CNTLN: variants seen among roughly 807,000 people sequenced by gnomAD.
The protein encoded by CNTLN is centlein.
Under a neutral mutation model 180.0 loss-of-function variants are expected in CNTLN, and 212 were observed. That is an observed-to-expected ratio of 1.18 (90% CI 1.05 to 1.32). The LOEUF (loss-of-function observed/expected upper bound fraction) is 1.32. Among genes scored for constraint, CNTLN ranks in the 40% most tolerant of loss-of-function variants. CNTLN has a pLI of 0.00. For missense variants in CNTLN, 2,095 were observed against 1,610.9 expected (o/e 1.30, Z -5.14); for synonymous variants, 722 against 563.1 (o/e 1.28, Z -3.99).
chr9:17,414,954 G>GTGGT (rs1213617151), intron 16 of CNTLN, among the ~76,000 whole-genome samples: 3 of 152,006 alleles, frequency 2.0e-5, no homozygotes, highest in Non-Finnish European at 4.4e-5. Context: ...GCTGGGGGTG[G>GTGGT]TGGTCCCTGT....
chr9:17,434,247 G>T (rs919141650), intron 18 of CNTLN, among the ~76,000 whole-genome samples: 1 of 151,644 alleles, frequency 6.6e-6, no homozygotes, highest in Admixed American at 6.6e-5. Context: ...ATTTATTTCT[G>T]CTCTTATCTT....
At chr9:17,314,532 C>T (rs1345978626) in intron 8 of CNTLN, among the ~76,000 whole-genome samples, 1 of 152,144 alleles carries the variant, frequency 6.6e-6, no homozygotes, top group Non-Finnish European at 1.5e-5. Flanking sequence ...ATGAACAGTT[C>T]ATTTATGAGT....
At chr9:17,324,060 G>C (rs1158074244) in intron 8 of CNTLN, among the ~76,000 whole-genome samples, 1 of 152,162 alleles carries the variant, frequency 6.6e-6, no homozygotes, top group Non-Finnish European at 1.5e-5. Context: ...ATTCGAGTAT[G>C]ATTGAGGTTT....
chr9:17,403,966 G>C (rs1196849372), intron 15 of CNTLN, among the ~76,000 whole-genome samples: 1 of 151,558 alleles, frequency 6.6e-6, no homozygotes, highest in Non-Finnish European at 1.5e-5. Flanking sequence ...AATAGAGATG[G>C]GGTTTCACTA....
intron 7 of CNTLN, chr9:17,300,132 T>C (rs1049081155): frequency 6.6e-6 from 1 of 152,214 alleles, no homozygotes; most frequent in African/African-American, 2.4e-5. Context: ...TTCACATTTT[T>C]AGCTTTTGAG....
chr9:17,359,725 C>CAA (rs1176814681), intron 12 of CNTLN, among the ~76,000 whole-genome samples: 1,784 of 21,282 alleles, frequency 0.084, 134 homozygotes, highest in South Asian at 0.16. Flanking sequence ...ACTAAAAATA[C>CAA]AAAAAAAAAA....
intron 5 of CNTLN, among the ~76,000 whole-genome samples, chr9:17,237,291 T>A (rs1825205476): frequency 6.6e-6 from 1 of 151,066 alleles, no homozygotes; most frequent in Non-Finnish European, 1.5e-5. Flanking sequence ...TAGATTTTGT[T>A]GAAAAGGGCA....
intron 18 of CNTLN, among the ~76,000 whole-genome samples, chr9:17,451,871 G>T (rs1830799678): frequency 6.6e-6 from 1 of 152,090 alleles, no homozygotes; most frequent in African/African-American, 2.4e-5. Context: ...AAAACAAATG[G>T]GAAAGACTGA....
At chr9:17,399,957 C>T (rs942503389) in intron 15 of CNTLN, among the ~76,000 whole-genome samples, 1 of 152,190 alleles carries the variant, frequency 6.6e-6, no homozygotes, top group African/African-American at 2.4e-5. Context: ...TCAAACCTCG[C>T]ATGTAACCGT....
chr9:17,150,660 A>G (rs554857635), intron 2 of CNTLN, among the ~76,000 whole-genome samples: 1 of 152,246 alleles, frequency 6.6e-6, no homozygotes, highest in South Asian at 2.1e-4. Flanking sequence ...TATGAACTTT[A>G]AAGTAGTTTT....
chr9:17,194,446 A>G (rs1467138194), intron 2 of CNTLN, among the ~76,000 whole-genome samples: 2 of 152,170 alleles, frequency 1.3e-5, no homozygotes, highest in African/African-American at 4.8e-5. Flanking sequence ...AAGTTCTACA[A>G]ATCTCTAGGG....
At chr9:17,167,573 A>T (rs951856391) in intron 2 of CNTLN, 1 of 152,234 alleles carries the variant, frequency 6.6e-6, no homozygotes, top group African/African-American at 2.4e-5. Flanking sequence ...GGGCACTAGA[A>T]TGCAAGCAAG....
In CNTLN at chr9:17,436,770, A is replaced by G. The variant is rs1289257581; in HGVS notation, c.3114+20581A>G. 2.0e-5 allele frequency among the ~76,000 whole-genome samples: 3 copies of G among 152,236 alleles called. No individual in the cohort carries two copies. The East Asian group carries it at 5.8e-4, about 29-fold the overall frequency. ...CCAGAGCCATTGTTTTTTTCCTGTC[A>G]GGAATTGCAGAATTTTAAATAGCCT... On this transcript the variant is annotated intron_variant, in intron 18 of 25. Transcript: ENST00000380647.
At chr9:17,296,805 T>G (rs1439434327) in intron 6 of CNTLN, among the ~76,000 whole-genome samples, 1 of 152,214 alleles carries the variant, frequency 6.6e-6, no homozygotes, top group East Asian at 1.9e-4. Flanking sequence ...TCCATGTATC[T>G]GTATGGATGC....
intron 25 of CNTLN, among the ~76,000 whole-genome samples, chr9:17,501,411 G>T (rs902803630): frequency 9.9e-5 from 15 of 152,162 alleles, no homozygotes; most frequent in African/African-American, 3.6e-4. Flanking sequence ...ATTTGTTTTT[G>T]CCTGCCTGCT....
intron 18 of CNTLN, among the ~76,000 whole-genome samples, chr9:17,425,839 T>G (rs1019360417): frequency 6.6e-6 from 1 of 152,190 alleles, no homozygotes; most frequent in East Asian, 1.9e-4. Flanking sequence ...AAGCAAGCAT[T>G]ACAGGAATGG....
the CNTLN span, among the ~76,000 whole-genome samples, chr9:17,513,683 A>G: frequency 6.6e-6 from 1 of 152,166 alleles, no homozygotes; most frequent in Non-Finnish European, 1.5e-5. Flanking sequence ...CAGCCTGGGC[A>G]ACAGAATGCG....
rs528418675 is a variant in CNTLN, at chr9:17,192,342, G to A, written c.450-33861G>A. Among the ~76,000 whole-genome samples, 8 of 151,288 alleles carry A rather than the reference G, an allele frequency of 5.3e-5. No homozygotes were observed. The South Asian group carries it at 1.7e-3, about 32-fold the overall frequency. On this transcript the variant is annotated intron_variant, in intron 2 of 25. Transcript: ENST00000380647. ...CAAACTCTGCCTCCCGGGTTCAAGC[G>A]ATTCACCTGCTTCAGCCTCCTGAGT...
Position 17,452,402 on chromosome 9 carries a change from T to G in CNTLN, c.3115-5122T>G, listed in dbSNP as rs189227550. On this transcript the variant is annotated intron_variant, in intron 18 of 25. Coordinates refer to ENST00000380647, the MANE Select transcript of CNTLN (RefSeq NM_017738.4). ...AAGCAGAGTGGTCATAGATCTAAGC[T>G]AGGACATTCAATGCTGTACTTAGCT... is the stretch of plus-strand genomic sequence containing the variant. 2.7e-3 allele frequency among the ~76,000 whole-genome samples: 418 copies of G among 152,328 alleles called. 6 individuals carry two copies. The highest frequency in any genetic ancestry group is 0.024 in the Admixed American group (374 of 15,304).
Sources: allele counts gnomAD v4.1 joint callset (sites outside exome capture counted in the v4.1 genomes callset), GRCh38; gene constraint gnomAD v4.1.1; transcripts MANE v1.5; gene names NCBI Gene and HGNC (gene_info 2026-07-23, HGNC 2026-07-21).